The following XXYLT1 variants were observed in gnomAD, a reference collection of about 807,000 sequenced individuals.
XXYLT1 encodes the protein UDP-xylose:alpha-xyloside alpha-1,3-xylosyltransferase.
XXYLT1 carries 20 observed loss-of-function variants against 28.9 expected under a neutral mutation model. That is an observed-to-expected ratio of 0.69 (90% CI 0.49 to 1.00). XXYLT1 has a LOEUF of 1.00. XXYLT1 is among the 50% of genes least tolerant of loss of function. XXYLT1 has a pLI of 0.00. For missense variants in XXYLT1, 542 were observed against 560.1 expected, an observed-to-expected ratio of 0.97 and a Z score of 0.33; for synonymous variants, 257 against 253.8, an observed-to-expected ratio of 1.01 and a Z score of -0.12.
chr3:195,088,219 A>C (rs1715884904), intron 3 of XXYLT1, among the ~76,000 whole-genome samples: 1 of 151,212 alleles, frequency 6.6e-6, no homozygotes, highest in South Asian at 2.1e-4. Flanking sequence ...TGTAGGCTCC[A>C]CCTCTGGGGG....
chr3:195,104,198 CGTGTGTGTGTGTGTGTGT>C (rs59361512), intron 3 of XXYLT1, among the ~76,000 whole-genome samples: 60,926 of 142,008 alleles, frequency 0.43, 13,658 homozygotes, highest in Non-Finnish European at 0.5. Flanking sequence ...ATGAGGGCTC[CGTGTGTGTGTGTGTGTGT>C]GTGTGTGTGT....
intron 3 of XXYLT1, among the ~76,000 whole-genome samples, chr3:195,125,703 G>A (rs755387495): frequency 4.6e-5 from 7 of 152,230 alleles, no homozygotes; most frequent in Non-Finnish European, 1.0e-4. Flanking sequence ...ATTTTCAACT[G>A]AAATCTTGCC....
At chr3:195,252,715 C>G (rs1725306873) in intron 1 of XXYLT1, among the ~76,000 whole-genome samples, 4 of 141,792 alleles carry the variant, frequency 2.8e-5, no homozygotes, top group African/African-American at 1.2e-4. Context: ...CACACACACA[C>G]ACACACACAC....
At chr3:195,165,424 C>G (rs1018050790) in intron 2 of XXYLT1, among the ~76,000 whole-genome samples, 1 of 152,164 alleles carries the variant, frequency 6.6e-6, no homozygotes, top group African/African-American at 2.4e-5. Context: ...ATGTCCACCC[C>G]CAGCCACAGC....
rs1722579150 is a variant in XXYLT1, at chr3:195,195,286, G to C, written c.652+31423C>G. ...ATGCCTGGGTCTCAGTAAGCCTTCTGTATTAGCAGTTATTATTATTACAGT... is the reference window on the plus strand; with the variant it reads ...ATGCCTGGGTCTCAGTAAGCCTTCTCTATTAGCAGTTATTATTATTACAGT... On this transcript the variant is annotated intron_variant, in intron 2 of 3. Coordinates refer to ENST00000310380, the MANE Select transcript of XXYLT1 (RefSeq NM_152531.5). The surrounding 1 kb of genome is among the most constrained non-coding windows in gnomAD (Gnocchi z 4.4). Among the ~76,000 whole-genome samples the C allele has an allele frequency of 6.6e-6, 1 of 152,154 alleles. No homozygotes were observed. The highest frequency in any genetic ancestry group is 1.5e-5 in the Non-Finnish European group (1 of 68,040).
At chr3:195,187,184 G>A (rs1030359440) in intron 2 of XXYLT1, among the ~76,000 whole-genome samples, 2 of 150,670 alleles carry the variant, frequency 1.3e-5, no homozygotes, top group African/African-American at 4.9e-5. Flanking sequence ...CTTGCAGTGA[G>A]CAGAGATCCC....
At chr3:195,121,593 G>A (rs952586) in intron 3 of XXYLT1, among the ~76,000 whole-genome samples, 37,195 of 152,040 alleles carry the variant, frequency 0.24, 6,018 homozygotes, top group East Asian at 0.47. Context: ...CAGTCACACT[G>A]AGCATTCCCT....
intron 2 of XXYLT1, among the ~76,000 whole-genome samples, chr3:195,222,561 T>C (rs1723875263): frequency 6.6e-6 from 1 of 152,086 alleles, no homozygotes; most frequent in South Asian, 2.1e-4. Context: ...AGAATCCTAA[T>C]GAGAGAAAAT....
At chr3:195,187,782 C>G (rs1424377406) in intron 2 of XXYLT1, among the ~76,000 whole-genome samples, 1 of 152,160 alleles carries the variant, frequency 6.6e-6, no homozygotes, top group Non-Finnish European at 1.5e-5. Flanking sequence ...AGACCCGGGG[C>G]TGAGGACATG....
chr3:195,152,351 G>C (rs1443008864), intron 3 of XXYLT1: 1 of 152,672 alleles, frequency 6.5e-6, no homozygotes, highest in Non-Finnish European at 1.5e-5. Context: ...GAAAAGGTCA[G>C]AGAAAGGAAG....
chr3:195,175,908 T>G, intron 2 of XXYLT1: 2 of 1,408,070 alleles, frequency 1.4e-6, no homozygotes, highest in Non-Finnish European at 1.8e-6. Context: ...AAAAAAAAAT[T>G]ATGTATGAAG....
intron 3 of XXYLT1, among the ~76,000 whole-genome samples, chr3:195,097,318 T>C (rs1340022151): frequency 7.0e-6 from 1 of 142,376 alleles, no homozygotes; most frequent in Non-Finnish European, 1.5e-5. Flanking sequence ...AAACAATTTA[T>C]ATCAATGATT....
At chr3:195,266,787 C>T (rs1477547806) in intron 1 of XXYLT1, among the ~76,000 whole-genome samples, 1 of 152,170 alleles carries the variant, frequency 6.6e-6, no homozygotes, top group Non-Finnish European at 1.5e-5. Flanking sequence ...CCAGGCCCCA[C>T]CCAGGAGATT....
At position 195,148,353 on chromosome 3, in the gene XXYLT1, G is replaced by A. The variant is rs562794684; in HGVS notation, c.785+8096C>T. Among the ~76,000 whole-genome samples the A allele has an allele frequency of 3.3e-5, 5 of 152,286 alleles. No homozygotes were observed. In the East Asian group the frequency reaches 9.6e-4, roughly 29 times the overall value. ...AGCCCAGTTTTCTAACTCCCAGGGA[G>A]TGAAGGAATCACTATTTTAAAAGGT... On this transcript the variant is annotated intron_variant, in intron 3 of 3. Coordinates refer to ENST00000310380, the MANE Select transcript of XXYLT1 (RefSeq NM_152531.5).
At chr3:195,246,056 C>T (rs1725010465) in intron 1 of XXYLT1, among the ~76,000 whole-genome samples, 1 of 152,244 alleles carries the variant, frequency 6.6e-6, no homozygotes, top group African/African-American at 2.4e-5. Context: ...CACAACCACA[C>T]ACACACCTGC....
intron 3 of XXYLT1, chr3:195,154,042 T>G (rs987818057): frequency 6.6e-6 from 1 of 152,182 alleles, no homozygotes; most frequent in African/African-American, 2.4e-5. Flanking sequence ...CTGGGACTAG[T>G]ATCTAGGGCT....
intron 3 of XXYLT1, among the ~76,000 whole-genome samples, chr3:195,125,961 G>A (rs11707911): frequency 0.035 from 5,241 of 149,490 alleles, 119 homozygotes; most frequent in Middle Eastern, 0.055. Flanking sequence ...ACGATACCCC[G>A]AGATAACTGA....
chr3:195,155,658 C>G (rs185042528), intron 3 of XXYLT1, among the ~76,000 whole-genome samples: 3 of 148,022 alleles, frequency 2.0e-5, no homozygotes, highest in Middle Eastern at 3.4e-3. Flanking sequence ...CACCCCCACG[C>G]CCCCCACCGC....
chr3:195,123,212 T>C (rs1718452778), intron 3 of XXYLT1, among the ~76,000 whole-genome samples: 2 of 151,120 alleles, frequency 1.3e-5, no homozygotes, highest in African/African-American at 2.4e-5. Context: ...TTTTCCTGAA[T>C]GGCTACAGGC....
Sources: allele counts gnomAD v4.1 joint callset (sites outside exome capture counted in the v4.1 genomes callset), GRCh38; gene constraint gnomAD v4.1.1; non-coding constraint Gnocchi (gnomAD v3.1); transcripts MANE v1.5; gene names NCBI Gene and HGNC (gene_info 2026-07-23, HGNC 2026-07-21).